The following VMP1 variants were observed in gnomAD, a reference collection of about 807,000 sequenced individuals.
VMP1 encodes ectopic P-granules autophagy protein 3 homolog.
VMP1 carries 11 observed loss-of-function variants against 56.0 expected under a neutral mutation model. That is an observed-to-expected ratio of 0.20 (90% confidence interval 0.12 to 0.32). The LOEUF (loss-of-function observed/expected upper bound fraction) is 0.32, where lower values mean the gene tolerates loss of function less well. Among genes scored for constraint, VMP1 ranks in the 10% least tolerant of loss-of-function variants. The pLI is 1.00. For missense variants in VMP1, 296 were observed against 490.3 expected (o/e 0.60, Z 3.74); for synonymous variants, 149 against 165.0 (o/e 0.90, Z 0.74).
intron 1 of VMP1, 30 bp from the exon 2 acceptor site, chr17:59,731,391 G>A: frequency 7.2e-7 from 1 of 1,383,386 alleles, no homozygotes. Flanking sequence ...AGTTTGTAAT[G>A]TATTGCTGGA....
intron 7 of VMP1, among the ~76,000 whole-genome samples, chr17:59,780,808 G>A (rs1474668130): frequency 1.3e-5 from 2 of 151,964 alleles, no homozygotes; most frequent in African/African-American, 2.4e-5. Flanking sequence ...GGCTGGTCTC[G>A]AACTACTGAC....
chr17:59,734,097 TA>T (rs1346399742), intron 2 of VMP1, among the ~76,000 whole-genome samples: 1 of 152,232 alleles, frequency 6.6e-6, no homozygotes, highest in East Asian at 1.9e-4. Flanking sequence ...TCTATAGCTC[TA>T]TCCCAAATTC....
chr17:59,817,791 G>T lies in VMP1; in HGVS notation c.974+18G>T. 6.3e-7 allele frequency: 1 copy of T among 1,581,240 alleles called. No homozygotes were observed. Among genetic ancestry groups the T allele is most frequent in the South Asian group, 1.1e-5 (1 of 87,932 alleles). On this transcript the variant is annotated intron_variant, in intron 10 of 11. Coordinates refer to ENST00000262291, the MANE Select transcript of VMP1 (RefSeq NM_030938.5). ...TTCATTGGGTAAGTAATTCTTCAAG[G>T]ACTAATATTAATATAATTACTCTTT...
At chr17:59,815,078 G>A (rs1201808517) in intron 9 of VMP1, among the ~76,000 whole-genome samples, 1 of 151,924 alleles carries the variant, frequency 6.6e-6, no homozygotes, top group African/African-American at 2.4e-5. Flanking sequence ...CTTAAAATTA[G>A]ACAACCTTCT....
Position 59,824,757 on chromosome 17 carries a change from C to T in VMP1, c.974+6984C>T, listed in dbSNP as rs2038582835. The stretch of plus-strand genomic sequence containing the variant: ...GCGTGGTGATGGGTGCCTGTAGTCC[C>T]AGCTACTCAAGAGGCTGAGGTGGGA... On this transcript the variant is annotated intron_variant, in intron 10 of 11. Coordinates refer to ENST00000262291, the MANE Select transcript of VMP1 (RefSeq NM_030938.5). 2.0e-5 allele frequency among the ~76,000 whole-genome samples: 3 copies of T among 150,816 alleles called. No individual in the cohort carries two copies. In the South Asian group the frequency reaches 6.3e-4, roughly 32 times the overall value.
intron 5 of VMP1, among the ~76,000 whole-genome samples, chr17:59,752,720 T>C (rs2035698043): frequency 1.3e-5 from 2 of 152,152 alleles, no homozygotes; most frequent in African/African-American, 2.4e-5. Context: ...TTTTGAGGAA[T>C]AAATAACTTA....
chr17:59,814,269 G>A (rs768083615), intron 9 of VMP1, among the ~76,000 whole-genome samples: 3 of 152,134 alleles, frequency 2.0e-5, no homozygotes, highest in Admixed American at 6.6e-5. Context: ...GATCCACTGC[G>A]CCTGGCCGAT....
Position 59,793,622 on chromosome 17 carries a change from GTGTT to G in VMP1, c.715-15172_715-15169del, listed in dbSNP as rs565521013. Among the ~76,000 whole-genome samples, 490 of 115,420 alleles carry G rather than the reference GTGTT, an allele frequency of 4.2e-3. 70 individuals carry two copies. Among genetic ancestry groups the G allele is most frequent in the African/African-American group, 0.011 (433 of 38,722 alleles). The allele number at this position is 115,420 out of a possible 152,430, so 75.7% of individuals were successfully genotyped here. A position where few individuals can be genotyped will look rare whatever the true frequency, so the allele number is the denominator to read the frequency against. The stretch of plus-strand genomic sequence containing the variant: ...TGTGCACGCGTGCGCATGTGTGTGT[GTGTT>G]TATTTATTTATTTTTTTTGAGATGG... On this transcript the variant is annotated intron_variant, in intron 7 of 11. Transcript: ENST00000262291.
chr17:59,772,567 G>A (rs1438129815), intron 6 of VMP1, among the ~76,000 whole-genome samples: 1 of 151,652 alleles, frequency 6.6e-6, no homozygotes, highest in African/African-American at 2.4e-5. Context: ...TCAGGAGTTC[G>A]AGACCAGCCT....
chr17:59,758,988 A>C (rs2035946648), intron 5 of VMP1, among the ~76,000 whole-genome samples: 1 of 152,086 alleles, frequency 6.6e-6, no homozygotes, highest in African/African-American at 2.4e-5. Flanking sequence ...CAGGAGGCTG[A>C]GGTGGGAAGA....
At chr17:59,816,745 C>T (rs1409978168) in intron 9 of VMP1, among the ~76,000 whole-genome samples, 1 of 149,620 alleles carries the variant, frequency 6.7e-6, no homozygotes, top group East Asian at 2.0e-4. Context: ...CGAGACCATC[C>T]TGGCCTCCTG....
At chr17:59,775,067 G>A (rs949372414) in intron 7 of VMP1, among the ~76,000 whole-genome samples, 53 of 151,374 alleles carry the variant, frequency 3.5e-4, no homozygotes, top group African/African-American at 1.3e-3. Flanking sequence ...TCAGCCTCCC[G>A]AGTAGCTGGG....
At chr17:59,759,329 G>A (rs1568093543) in intron 5 of VMP1, among the ~76,000 whole-genome samples, 2 of 151,862 alleles carry the variant, frequency 1.3e-5, no homozygotes, top group Admixed American at 6.6e-5. Context: ...AGCCAGGATC[G>A]TGCCATTGCA....
At chr17:59,814,592 T>C (rs1486441982) in intron 9 of VMP1, among the ~76,000 whole-genome samples, 2 of 152,182 alleles carry the variant, frequency 1.3e-5, no homozygotes, top group East Asian at 3.9e-4. Context: ...GCAGTAGTTA[T>C]CTCATGGCAG....
chr17:59,758,325 ATCT>A (rs1342056834), intron 5 of VMP1, among the ~76,000 whole-genome samples: 3 of 152,148 alleles, frequency 2.0e-5, no homozygotes, highest in African/African-American at 7.2e-5. Flanking sequence ...TGTTATTCAA[ATCT>A]TCTGTGTCCA....
At chr17:59,797,180 A>C (rs1345968230) in intron 7 of VMP1, among the ~76,000 whole-genome samples, 1 of 147,030 alleles carries the variant, frequency 6.8e-6, no homozygotes, top group East Asian at 2.1e-4. Context: ...TCTACTAAAA[A>C]TACAAAAATT....
chr17:59,800,527 G>A (rs1280698281), intron 7 of VMP1, among the ~76,000 whole-genome samples: 3 of 152,182 alleles, frequency 2.0e-5, no homozygotes, highest in Non-Finnish European at 4.4e-5. Context: ...CAGTTGCTCT[G>A]AGGCTTTTAA....
At chr17:59,778,977 C>T (rs1229210847) in intron 7 of VMP1, among the ~76,000 whole-genome samples, 1 of 152,214 alleles carries the variant, frequency 6.6e-6, no homozygotes, top group Non-Finnish European at 1.5e-5. Context: ...AACGTCCATA[C>T]TCTGCAGTGT....
chr17:59,738,852 G>C lies in VMP1; in HGVS notation c.319G>C (p.Glu107Gln), dbSNP rs777867255. ...GVHQQYVQRI[E>Q]KQFLLYAYWI... ...TTTTTTTCAGTATGTGCAACGTATA[G>C]AGAAACAGTTTCTTTTGTATGCCTA... The change falls in exon 5 of 12, where the codon GAG becomes CAG. Residue 107 changes from glutamate to glutamine, a missense_variant. Transcript: ENST00000262291. The C allele has an allele frequency of 6.2e-7, 1 of 1,612,330 alleles. No homozygotes were observed. Among genetic ancestry groups the C allele is most frequent in the Non-Finnish European group, 8.5e-7 (1 of 1,179,376 alleles).
Sources: gnomAD v4.1 joint callset for allele counts (sites outside exome capture counted in the v4.1 genomes callset) on GRCh38, gnomAD v4.1.1 for gene constraint, MANE v1.5 for transcripts, NCBI Gene and HGNC (gene_info 2026-07-23, HGNC 2026-07-21) for gene names.